The following LRRTM4 variants were observed in gnomAD, a reference collection of about 807,000 sequenced individuals.
LRRTM4 encodes leucine-rich repeat transmembrane neuronal protein 4.
Under a neutral mutation model 47.6 loss-of-function variants are expected in LRRTM4, and 25 were observed. That is an observed-to-expected ratio of 0.53 (90% confidence interval 0.38 to 0.73). The LOEUF (loss-of-function observed/expected upper bound fraction) is 0.73, where lower values mean the gene tolerates loss of function less well. LRRTM4 is among the 30% of genes least tolerant of loss of function. The probability of loss-of-function intolerance (pLI) is 0.00; values close to 1 mark genes in which losing one functional copy is unlikely to be tolerated. For synonymous variants in LRRTM4, 311 were observed against 269.5 expected, an observed-to-expected ratio of 1.15 and a Z score of -1.51; for missense variants, 638 against 713.4, an observed-to-expected ratio of 0.89 and a Z score of 1.20.
intron 3 of LRRTM4, among the ~76,000 whole-genome samples, chr2:77,384,330 G>A (rs1335272770): frequency 1.3e-5 from 2 of 151,682 alleles, no homozygotes; most frequent in South Asian, 2.1e-4. Flanking sequence ...TTTCAGTATT[G>A]ATAAGCTGTG....
chr2:76,869,404 T>G (rs1558703311), intron 3 of LRRTM4, among the ~76,000 whole-genome samples: 1 of 152,258 alleles, frequency 6.6e-6, no homozygotes, highest in East Asian at 1.9e-4. Context: ...ACAACAGGAA[T>G]AGTCACCAGT....
chr2:77,064,840 C>G (rs913897078), intron 3 of LRRTM4, among the ~76,000 whole-genome samples: 1 of 152,086 alleles, frequency 6.6e-6, no homozygotes, highest in Non-Finnish European at 1.5e-5. Flanking sequence ...ACCCTGCTTT[C>G]TCTGCCTTTT....
At chr2:77,279,191 A>G (rs928271267) in intron 3 of LRRTM4, among the ~76,000 whole-genome samples, 1 of 152,022 alleles carries the variant, frequency 6.6e-6, no homozygotes, top group African/African-American at 2.4e-5. Context: ...TTATCATTGG[A>G]CAACTTCAAT....
At chr2:77,116,201 T>C (rs1160455362) in intron 3 of LRRTM4, among the ~76,000 whole-genome samples, 2 of 151,932 alleles carry the variant, frequency 1.3e-5, no homozygotes, top group Admixed American at 1.3e-4. Flanking sequence ...GGAATTAATA[T>C]ACTGAATTCT....
chr2:77,023,390 T>A lies in LRRTM4; in HGVS notation c.1552-274474A>T, dbSNP rs531657620. On this transcript the variant is annotated intron_variant, in intron 3 of 3. Transcript: ENST00000409884. ...GGGGATTAACTAACATTCAGCACTG[T>A]GTCACTTATGTAAATACCTGCAGCT... is the stretch of plus-strand genomic sequence containing the variant. 7.9e-5 allele frequency among the ~76,000 whole-genome samples: 12 copies of A among 152,192 alleles called. 1 individual carries two copies. The South Asian group carries it at 1.2e-3, about 16-fold the overall frequency.
intron 3 of LRRTM4, among the ~76,000 whole-genome samples, chr2:77,473,189 A>C (rs1178681852): frequency 6.6e-6 from 1 of 152,146 alleles, no homozygotes; most frequent in African/African-American, 2.4e-5. Context: ...CTGAGTAATC[A>C]AGGAGGATAC....
intron 3 of LRRTM4, among the ~76,000 whole-genome samples, chr2:76,974,809 C>T (rs960346248): frequency 1.3e-5 from 2 of 151,574 alleles, no homozygotes; most frequent in African/African-American, 4.8e-5. Context: ...TTAAATTTTG[C>T]ACAGTTTTTG....
intron 3 of LRRTM4, among the ~76,000 whole-genome samples, chr2:77,448,264 TG>T (rs1676128735): frequency 6.6e-6 from 1 of 152,136 alleles, no homozygotes; most frequent in South Asian, 2.1e-4. Context: ...TTCAGCACTG[TG>T]GTTCAACTGC....
chr2:77,471,049 T>A (rs2103992708), intron 3 of LRRTM4, among the ~76,000 whole-genome samples: 1 of 152,258 alleles, frequency 6.6e-6, no homozygotes, highest in African/African-American at 2.4e-5. Context: ...TGTATCTATC[T>A]ATCTATATCT....
intron 3 of LRRTM4, among the ~76,000 whole-genome samples, chr2:77,010,107 G>A (rs1677813016): frequency 6.6e-6 from 1 of 151,878 alleles, no homozygotes; most frequent in Non-Finnish European, 1.5e-5. Context: ...TTTAACATGT[G>A]CATTATCTCA....
intron 3 of LRRTM4, among the ~76,000 whole-genome samples, chr2:76,848,736 GAA>G (rs568145920): frequency 1.3e-5 from 2 of 151,716 alleles, no homozygotes; most frequent in East Asian, 3.9e-4. Context: ...TACAGAAAAA[GAA>G]AAAAAAGTTT....
chr2:76,983,418 G>T (rs948677967), intron 3 of LRRTM4, among the ~76,000 whole-genome samples: 1 of 152,094 alleles, frequency 6.6e-6, no homozygotes, highest in South Asian at 2.1e-4. Flanking sequence ...CCCCCATACT[G>T]TTCTCATGGT....
intron 3 of LRRTM4, among the ~76,000 whole-genome samples, chr2:76,902,283 G>C (rs971086342): frequency 8.6e-5 from 13 of 152,046 alleles, no homozygotes; most frequent in African/African-American, 3.1e-4. Flanking sequence ...TTATAAACAG[G>C]TCAGAAATCA....
rs186871737 is a variant in LRRTM4, at chr2:77,443,984, A to T, written c.1551+74334T>A. On this transcript the variant is annotated intron_variant, in intron 3 of 3. Transcript: ENST00000409884. The stretch of plus-strand genomic sequence containing the variant: ...AAGTACACAGGCATAGAACATACTG[A>T]TCACATCTTAGTCACACCATAAGAG... 1.2e-4 allele frequency among the ~76,000 whole-genome samples: 19 copies of T among 152,256 alleles called. 1 individual carries two copies. Among genetic ancestry groups the T allele is most frequent in the Admixed American group, 1.2e-3 (18 of 15,276 alleles).
chr2:77,039,883 G>A (rs1390251813), intron 3 of LRRTM4, among the ~76,000 whole-genome samples: 2 of 150,722 alleles, frequency 1.3e-5, no homozygotes, highest in African/African-American at 2.4e-5. Context: ...ATTGCAAAAG[G>A]AAACTTAGTA....
At chr2:77,507,761 T>C (rs1323985384) in intron 3 of LRRTM4, among the ~76,000 whole-genome samples, 1 of 152,040 alleles carries the variant, frequency 6.6e-6, no homozygotes, top group Non-Finnish European at 1.5e-5. Flanking sequence ...AAACAGCTAC[T>C]ATCAAATTGG....
At chr2:77,116,899 C>A (rs1671402941) in intron 3 of LRRTM4, among the ~76,000 whole-genome samples, 1 of 152,018 alleles carries the variant, frequency 6.6e-6, no homozygotes, top group African/African-American at 2.4e-5. Context: ...CAATATCAAT[C>A]ACTTTAAGCA....
chr2:77,146,154 G>C (rs1368509079), intron 3 of LRRTM4, among the ~76,000 whole-genome samples: 1 of 152,064 alleles, frequency 6.6e-6, no homozygotes, highest in Non-Finnish European at 1.5e-5. Context: ...TAATGTCTAA[G>C]CACTGTAACA....
intron 3 of LRRTM4, among the ~76,000 whole-genome samples, chr2:76,819,366 C>T (rs575165479): frequency 2.0e-5 from 3 of 151,730 alleles, no homozygotes; most frequent in Non-Finnish European, 4.4e-5. Context: ...CTTCCCAAAT[C>T]AGAAGACATA....
Sources: gnomAD v4.1 joint callset for allele counts (sites outside exome capture counted in the v4.1 genomes callset) on GRCh38, gnomAD v4.1.1 for gene constraint, MANE v1.5 for transcripts, NCBI Gene and HGNC (gene_info 2026-07-23, HGNC 2026-07-21) for gene names.